Variants in CTNND1 observed in about 807,000 individuals in gnomAD.
CTNND1 encodes catenin delta-1.
Under a neutral mutation model 112.1 loss-of-function variants are expected in CTNND1, and 16 were observed. The observed-to-expected ratio is 0.14, with a 90% CI of 0.10 to 0.22. The LOEUF is 0.22. Among genes scored for constraint, CTNND1 ranks in the 10% least tolerant of loss-of-function variants. CTNND1 has a pLI of 1.00. For synonymous variants in CTNND1, 420 were observed against 446.5 expected (o/e 0.94, Z 0.75); for missense variants, 1,008 against 1,257.0 (o/e 0.80, Z 3.00).
intron 17 of CTNND1, among the ~76,000 whole-genome samples, chr11:57,812,483 G>A (rs1257023732): frequency 1.3e-5 from 2 of 151,972 alleles, no homozygotes; most frequent in African/African-American, 4.8e-5. Context: ...TTGCACCACT[G>A]CATTCCAGCC....
rs2064125176 is a variant in CTNND1, at chr11:57,819,289, A to G, written c.*2981A>G. 6.6e-6 allele frequency: 1 copy of G among 152,210 alleles called. No homozygotes were observed. 9.4% of individuals were successfully genotyped at this position (152,210 alleles called of 1,614,324 possible). On this transcript the variant is annotated 3_prime_UTR_variant, in exon 21 of 21. Coordinates refer to ENST00000399050, the MANE Select transcript of CTNND1 (RefSeq NM_001085458.2). ...TTTAAAGCTTGATTTGTGTCTAACA[A>G]TTGTAGTGTTAGATTAGAGGTTGAA...
Position 57,815,951 on chromosome 11 carries a change from G to A in CTNND1, c.2845G>A (p.Asp949Asn). 1 of 1,603,330 alleles carries A rather than the reference G, an allele frequency of 6.2e-7. No homozygotes were observed. The highest frequency in any genetic ancestry group is 1.1e-5 in the South Asian group (1 of 88,644). The change falls in exon 20 of 21, where the codon GAT (aspartate) becomes AAT (asparagine). Residue 949 changes from aspartate to asparagine, a missense_variant. Around this residue, in one of 5 missense-constraint regions of CTNND1, gnomAD observed 106 missense variants for 116.2 expected, o/e 0.91. Transcript: ENST00000399050. Reference protein sequence around the residue: ...EGQESLEEELDVLVLDDEGGQ... With the variant: ...EGQESLEEELNVLVLDDEGGQ... The stretch of plus-strand genomic sequence containing the variant: ...GCAGGAATCTCTGGAGGAAGAGTTG[G>A]ATGTGTTGGTTTTGGATGATGAGGG...
intron 1 of CTNND1, among the ~76,000 whole-genome samples, chr11:57,768,490 T>G (rs1951703785): frequency 6.9e-6 from 1 of 144,390 alleles, no homozygotes; most frequent in African/African-American, 2.6e-5. Flanking sequence ...GCCTCCCGGG[T>G]TCACGCCATT....
intron 10 of CTNND1, 130 bp downstream of exon 10, chr11:57,806,165 C>T: frequency 6.5e-6 from 8 of 1,236,390 alleles, no homozygotes; most frequent in Non-Finnish European, 8.8e-6. Flanking sequence ...TTTTGGTTTG[C>T]TGCTTTCCCT....
intron 1 of CTNND1, among the ~76,000 whole-genome samples, chr11:57,768,484 C>T (rs1470374163): frequency 1.3e-5 from 2 of 150,078 alleles, no homozygotes; most frequent in Admixed American, 1.3e-4. Flanking sequence ...AGCTCTGCCT[C>T]CCGGGTTCAC....
chr11:57,789,125 A>T lies in CTNND1; in HGVS notation c.-125A>T. 6.5e-7 allele frequency: 1 copy of T among 1,535,190 alleles called. No homozygotes were observed. Among genetic ancestry groups the T allele is most frequent in the Non-Finnish European group, 8.7e-7 (1 of 1,146,642 alleles). ...TCTAGACTGGGCTGTTCTCTGTGTT[A>T]AACCAATCAGTTGCGACCTTCTCTT... On this transcript the variant is annotated 5_prime_UTR_variant, in exon 2 of 21. Transcript: ENST00000399050.
At chr11:57,815,536 C>T (rs1443254766) in intron 19 of CTNND1, 36 bp downstream of exon 19, 1 of 1,485,868 alleles carries the variant, frequency 6.7e-7, no homozygotes, top group African/African-American at 1.4e-5. Flanking sequence ...CTGTCTAAGG[C>T]TAGTTCTATT....
intron 8 of CTNND1, 151 bp from the exon 9 acceptor site, chr11:57,804,512 A>G (rs559443966): frequency 8.2e-6 from 5 of 606,668 alleles, no homozygotes; most frequent in Admixed American, 2.9e-5. Context: ...CTGTTAATCA[A>G]CTTTCTCTCA....
intron 12 of CTNND1, 147 bp from the exon 13 acceptor site, chr11:57,808,018 G>T (rs1267950248): frequency 2.6e-6 from 2 of 765,448 alleles, no homozygotes; most frequent in Non-Finnish European, 3.9e-6. Flanking sequence ...TAAGTTTGCT[G>T]TAGAGAGTGT....
intron 18 of CTNND1, 73 bp downstream of exon 18, chr11:57,814,446 G>GTT: frequency 8.6e-7 from 1 of 1,167,968 alleles, no homozygotes; most frequent in Non-Finnish European, 1.2e-6. Context: ...TAGCTCTATA[G>GTT]TTTTTTTTCT....
chr11:57,783,289 C>G (rs1425499991), intron 1 of CTNND1, among the ~76,000 whole-genome samples: 1 of 150,884 alleles, frequency 6.6e-6, no homozygotes, highest in Admixed American at 6.6e-5. Context: ...CAAAAACAAA[C>G]AAACAAACAA....
rs1055754712 is a variant in CTNND1 at position 57,799,981 on chromosome 11, T to A, written c.957-1752T>A. Among the ~76,000 whole-genome samples the A allele has an allele frequency of 9.3e-3, 736 of 79,516 alleles. 18 individuals are homozygous for A. The highest frequency in any genetic ancestry group is 0.028 in the African/African-American group (698 of 24,776). The allele number at this position is 79,516 out of a possible 152,430, so 52.2% of individuals were successfully genotyped here. A position where few individuals can be genotyped will look rare whatever the true frequency, so the allele number is the denominator to read the frequency against. On this transcript the variant is annotated intron_variant, in intron 6 of 20. Transcript: ENST00000399050. ...TAAGCTATTCATTTTGTTTCCGTGTTTTTTTTTTTTTTTTTTTTTTTTTTG... is the reference window on the plus strand; with the variant it reads ...TAAGCTATTCATTTTGTTTCCGTGTATTTTTTTTTTTTTTTTTTTTTTTTG...
intron 1 of CTNND1, among the ~76,000 whole-genome samples, chr11:57,779,714 A>G (rs1014320580): frequency 6.6e-6 from 1 of 151,810 alleles, no homozygotes; most frequent in African/African-American, 2.4e-5. Flanking sequence ...TAGGGATTGG[A>G]TTTTTTTTCT....
rs2063689912 is a variant in CTNND1, at chr11:57,814,176, A to G, written c.2639-135A>G. The G allele has an allele frequency of 4.6e-6, 3 of 656,028 alleles. No individual in the cohort carries two copies. The Admixed American group carries it at 7.1e-5, about 16-fold the overall frequency. The allele number at this position is 656,028 out of a possible 1,614,324, so 40.6% of individuals were successfully genotyped here. The stretch of plus-strand genomic sequence containing the variant: ...CAAAAAGCTTAAAAATTATCCAGGC[A>G]TTGTGATGCACATAGTTGGTGCTAA... On this transcript the variant is annotated intron_variant, in intron 17 of 20. Coordinates refer to ENST00000399050, the MANE Select transcript of CTNND1 (RefSeq NM_001085458.2).
chr11:57,812,749 C>T (rs2063517821), intron 17 of CTNND1, among the ~76,000 whole-genome samples: 1 of 152,074 alleles, frequency 6.6e-6, no homozygotes, highest in South Asian at 2.1e-4. Flanking sequence ...CTCCTGGGGT[C>T]AAGCGATCCT....
In CTNND1 at chr11:57,803,334, C is replaced by G. The variant is rs550258547; in HGVS notation, c.1421-287C>G. 1.6e-4 allele frequency among the ~76,000 whole-genome samples: 25 copies of G among 152,316 alleles called. No homozygotes were observed. The East Asian group carries it at 3.3e-3, about 20-fold the overall frequency. ...TGATCTCCCAACCTTGTGATCCGCC[C>G]GCCTTGGCCTCCCAAATTGCTGGGA... On this transcript the variant is annotated intron_variant, in intron 7 of 20. Transcript: ENST00000399050.
At chr11:57,782,588 T>A (rs1320117300) in intron 1 of CTNND1, among the ~76,000 whole-genome samples, 2 of 152,200 alleles carry the variant, frequency 1.3e-5, no homozygotes, top group African/African-American at 4.8e-5. Flanking sequence ...TTGGCCCCCT[T>A]TGAGTGGCCA....
chr11:57,817,430 T>A lies in CTNND1; in HGVS notation c.*1122T>A, dbSNP rs2064042164. The A allele has an allele frequency of 6.5e-6, 1 of 152,696 alleles. No individual in the cohort carries two copies. 9.5% of individuals were successfully genotyped at this position (152,696 alleles called of 1,614,324 possible). On this transcript the variant is annotated 3_prime_UTR_variant, in exon 21 of 21. Transcript: ENST00000399050. Reference sequence around the variant, plus strand: ...CCTCCCGCCCTTCCATGTGCCTTTCTTTGCCTCTGCAGTCTCATTTCTCAT... The same window carrying A: ...CCTCCCGCCCTTCCATGTGCCTTTCATTGCCTCTGCAGTCTCATTTCTCAT...
intron 1 of CTNND1, among the ~76,000 whole-genome samples, chr11:57,775,868 C>G (rs1954110282): frequency 6.6e-6 from 1 of 152,084 alleles, no homozygotes; most frequent in African/African-American, 2.4e-5. Flanking sequence ...TTTCCTTGTT[C>G]TTATATGGGA....
Sources: gnomAD v4.1 joint callset for allele counts (sites outside exome capture counted in the v4.1 genomes callset) on GRCh38, gnomAD v4.1.1 for gene constraint, gnomAD v4.1.1 regional missense constraint, MANE v1.5 for transcripts, NCBI Gene and HGNC (gene_info 2026-07-23, HGNC 2026-07-21) for gene names.